Variants in AGBL4 observed in about 807,000 individuals in gnomAD.
The protein encoded by AGBL4 is AGBL carboxypeptidase 4, also known as cytosolic carboxypeptidase 6.
In AGBL4, 58 loss-of-function variants were observed where a neutral mutation model predicts 66.4. The ratio of observed to expected loss-of-function variants is 0.87; its 90% CI spans 0.71 to 1.09. AGBL4 has a LOEUF of 1.09. Ranked by LOEUF, AGBL4 falls within the 50% of genes least tolerant of loss-of-function variation. The pLI, the probability that AGBL4 is intolerant of heterozygous loss-of-function variation, is 0.00. For synonymous variants in AGBL4, 234 were observed against 222.9 expected (o/e 1.05, Z -0.44); for missense variants, 579 against 631.0 (o/e 0.92, Z 0.88).
intron 5 of AGBL4, among the ~76,000 whole-genome samples, chr1:48,955,361 C>T (rs917190860): frequency 7.2e-5 from 11 of 152,146 alleles, no homozygotes; most frequent in Admixed American, 3.3e-4. Context: ...ACTTCATTCC[C>T]GGAGTAGCAG....
chr1:49,156,379 A>G (rs1349856218), intron 4 of AGBL4, among the ~76,000 whole-genome samples: 1 of 152,160 alleles, frequency 6.6e-6, no homozygotes, highest in Non-Finnish European at 1.5e-5. Context: ...TATACAACTT[A>G]CTCCAAAATC....
chr1:49,354,789 A>T (rs1643985015), intron 3 of AGBL4, among the ~76,000 whole-genome samples: 1 of 152,222 alleles, frequency 6.6e-6, no homozygotes, highest in Non-Finnish European at 1.5e-5. Context: ...AATACTTCTA[A>T]TATTAAACAT....
intron 3 of AGBL4, among the ~76,000 whole-genome samples, chr1:49,382,198 G>T (rs1644632203): frequency 6.6e-6 from 1 of 151,930 alleles, no homozygotes; most frequent in Admixed American, 6.6e-5. Context: ...ATGCAAAATA[G>T]TAATAATAAC....
chr1:49,205,070 C>A (rs1044796858), intron 4 of AGBL4, among the ~76,000 whole-genome samples: 2 of 152,084 alleles, frequency 1.3e-5, no homozygotes, highest in Non-Finnish European at 2.9e-5. Context: ...CTCTGAGCAT[C>A]AAGATGGTGG....
At chr1:49,450,678 C>T (rs1331082950) in intron 3 of AGBL4, among the ~76,000 whole-genome samples, 1 of 151,962 alleles carries the variant, frequency 6.6e-6, no homozygotes, top group East Asian at 1.9e-4. Flanking sequence ...ATTTGGCTGC[C>T]ACCATAAAGT....
chr1:49,537,230 C>G (rs1342894144), intron 3 of AGBL4, among the ~76,000 whole-genome samples: 3 of 152,072 alleles, frequency 2.0e-5, no homozygotes, highest in Non-Finnish European at 4.4e-5. Context: ...GGACATTGGT[C>G]TAGGCAAACA....
At chr1:48,801,196 T>C (rs6704359) in intron 6 of AGBL4, among the ~76,000 whole-genome samples, 139,705 of 152,164 alleles carry the variant, frequency 0.92, 65,278 homozygotes, top group East Asian at 1. Context: ...AAATTTATAT[T>C]CAGGCAGCCC....
chr1:49,598,831 A>T (rs1644900501), intron 3 of AGBL4, among the ~76,000 whole-genome samples: 1 of 152,142 alleles, frequency 6.6e-6, no homozygotes, highest in Non-Finnish European at 1.5e-5. Flanking sequence ...ATTTTGTCGA[A>T]GGCCTTTTCT....
chr1:49,270,442 A>T (rs75350665), intron 3 of AGBL4, among the ~76,000 whole-genome samples: 5 of 147,634 alleles, frequency 3.4e-5, no homozygotes, highest in African/African-American at 1.2e-4. Context: ...TCAGGGGGAT[A>T]TTTTTTTTTT....
intron 4 of AGBL4, among the ~76,000 whole-genome samples, chr1:49,089,655 C>A (rs1432128225): frequency 2.6e-5 from 4 of 152,128 alleles, no homozygotes; most frequent in African/African-American, 9.7e-5. Context: ...CAGCCAAATT[C>A]TACCAGATGT....
chr1:50,019,771 T>C (rs1014051213), intron 1 of AGBL4, among the ~76,000 whole-genome samples: 8 of 151,976 alleles, frequency 5.3e-5, no homozygotes, highest in Non-Finnish European at 7.4e-5. Context: ...TTAAGATAGC[T>C]GGAAGAGAGG....
intron 8 of AGBL4, among the ~76,000 whole-genome samples, chr1:48,644,689 G>A (rs888410810): frequency 6.6e-6 from 1 of 152,246 alleles, no homozygotes; most frequent in Non-Finnish European, 1.5e-5. Context: ...ACAGATGGGA[G>A]TGGATGCAGG....
At chr1:48,574,537 C>CTT (rs780333770) in intron 11 of AGBL4, among the ~76,000 whole-genome samples, 1 of 124,044 alleles carries the variant, frequency 8.1e-6, no homozygotes, top group Admixed American at 8.3e-5. Flanking sequence ...CTTTTCTTTT[C>CTT]TTTTTTTTTT....
At chr1:49,674,835 G>A (rs761243691) in intron 3 of AGBL4, among the ~76,000 whole-genome samples, 5 of 152,060 alleles carry the variant, frequency 3.3e-5, no homozygotes, top group Admixed American at 6.6e-5. Flanking sequence ...AAGCAGTAAC[G>A]AAACAATGTC....
rs542367727 is a variant in AGBL4, at chr1:49,995,034, C to T, written c.34+28729G>A. 447 of 436,204 alleles carry T rather than the reference C, an allele frequency of 1.0e-3. 2 individuals carry two copies. Among genetic ancestry groups the T allele is most frequent in the South Asian group, 3.4e-3 (206 of 60,648 alleles). The allele number at this position is 436,204 out of a possible 1,614,324, so 27.0% of individuals were successfully genotyped here. A position where few individuals can be genotyped will look rare whatever the true frequency, so the allele number is the denominator to read the frequency against. On this transcript the variant is annotated intron_variant, in intron 1 of 13. Coordinates refer to ENST00000371839, the MANE Select transcript of AGBL4 (RefSeq NM_032785.4). ...ATTGTTGACTTTGTCTCAGAGGGGTCCATGGGGAGAGATGCCACTAGAATT... is the reference window on the plus strand; with the variant it reads ...ATTGTTGACTTTGTCTCAGAGGGGTTCATGGGGAGAGATGCCACTAGAATT...
chr1:48,751,737 G>A (rs1457048727), intron 6 of AGBL4, among the ~76,000 whole-genome samples: 1 of 152,180 alleles, frequency 6.6e-6, no homozygotes, highest in Non-Finnish European at 1.5e-5. Flanking sequence ...ATGGGGAAAA[G>A]CCTAACAACT....
In AGBL4 at chr1:48,745,372, CA is replaced by C. The variant is rs377673944; in HGVS notation, c.635-82132del. On this transcript the variant is annotated intron_variant, in intron 6 of 13. Coordinates refer to ENST00000371839, the MANE Select transcript of AGBL4 (RefSeq NM_032785.4). ...ATCAGAAGCATCTAGTTAGAATGGA[CA>C]ATTCACATGGCACAGTTACAGACAA... is the stretch of plus-strand genomic sequence containing the variant. Among the ~76,000 whole-genome samples, 21 of 152,222 alleles carry C rather than the reference CA, an allele frequency of 1.4e-4. No individual in the cohort carries two copies. The East Asian group carries it at 3.7e-3, about 27-fold the overall frequency.
chr1:49,431,089 G>T (rs1645775769), intron 3 of AGBL4, among the ~76,000 whole-genome samples: 2 of 152,260 alleles, frequency 1.3e-5, no homozygotes, highest in Admixed American at 6.5e-5. Context: ...AAATAGTGCT[G>T]CTATGGGCAT....
chr1:49,501,180 C>T (rs1173558160), intron 3 of AGBL4, among the ~76,000 whole-genome samples: 1 of 152,048 alleles, frequency 6.6e-6, no homozygotes, highest in African/African-American at 2.4e-5. Context: ...ATTTGATTCT[C>T]AACTTGGTCA....
Sources: allele counts gnomAD v4.1 joint callset (sites outside exome capture counted in the v4.1 genomes callset), GRCh38; gene constraint gnomAD v4.1.1; transcripts MANE v1.5; gene names NCBI Gene and HGNC (gene_info 2026-07-23, HGNC 2026-07-21).